Variants in ARMC9 observed in about 807,000 individuals in gnomAD.
The protein encoded by ARMC9 is armadillo repeat containing 9, also known as lisH domain-containing protein ARMC9.
ARMC9 carries 94 observed loss-of-function variants against 107.0 expected under a neutral mutation model. The ratio of observed to expected loss-of-function variants is 0.88; its 90% CI spans 0.74 to 1.04. ARMC9 has a LOEUF of 1.04. ARMC9 is among the 50% of genes least tolerant of loss of function. The probability of loss-of-function intolerance (pLI) is 0.00; values close to 1 mark genes in which losing one functional copy is unlikely to be tolerated. For missense variants in ARMC9, 942 were observed against 1,030.1 expected, an observed-to-expected ratio of 0.91 and a Z score of 1.17; for synonymous variants, 380 against 396.9, an observed-to-expected ratio of 0.96 and a Z score of 0.51.
At chr2:231,301,400 A>G (rs991888215) in intron 19 of ARMC9, among the ~76,000 whole-genome samples, 3 of 152,066 alleles carry the variant, frequency 2.0e-5, no homozygotes, top group Non-Finnish European at 4.4e-5. Flanking sequence ...ATTTTTCCAG[A>G]TTGCTCTTTT....
rs1447419675 is a variant in ARMC9 at position 231,239,960 on chromosome 2, C to T, written c.798C>T (p.Leu266=). ...VSGKMITPEY[L]QSVCVRLFSN... The stretch of plus-strand genomic sequence containing the variant: ...CCTTGCAGATCACCCCTGAGTACCT[C>T]CAGAGCGTCTGTGTCCGCCTGTTCA... The change falls in exon 9 of 25, where the codon CTC becomes CTT. Residue 266 remains leucine (L), a synonymous_variant. Transcript: ENST00000611582. The T allele has an allele frequency of 1.9e-6, 3 of 1,614,074 alleles. No individual in the cohort carries two copies. Among genetic ancestry groups the T allele is most frequent in the South Asian group, 1.1e-5 (1 of 91,038 alleles).
Position 231,296,828 on chromosome 2 carries a change from T to A in ARMC9, c.1773+575T>A, listed in dbSNP as rs182996407. ...ATGTAAAGAATGGTGACTCAGGGAC[T>A]GTAGTTGGATTTTCAGATGACAAGA... On this transcript the variant is annotated intron_variant, in intron 19 of 24. Coordinates refer to ENST00000611582, the MANE Select transcript of ARMC9 (RefSeq NM_001352754.2). Among the ~76,000 whole-genome samples the A allele has an allele frequency of 3.9e-5, 6 of 152,350 alleles. No individual in the cohort carries two copies. The East Asian group carries it at 1.2e-3, about 29-fold the overall frequency.
intron 22 of ARMC9, among the ~76,000 whole-genome samples, chr2:231,356,708 G>A (rs2045358351): frequency 6.6e-6 from 1 of 152,178 alleles, no homozygotes. Flanking sequence ...TCTTGGTGAT[G>A]AGCAGTTTCA....
At chr2:231,318,050 T>A (rs1348661735) in intron 19 of ARMC9, among the ~76,000 whole-genome samples, 1 of 151,844 alleles carries the variant, frequency 6.6e-6, no homozygotes, top group Non-Finnish European at 1.5e-5. Flanking sequence ...TCACGCTTTG[T>A]TTCTGCTGTA....
intron 1 of ARMC9, among the ~76,000 whole-genome samples, chr2:231,201,814 G>T (rs1449957555): frequency 1.3e-5 from 2 of 152,162 alleles, no homozygotes; most frequent in African/African-American, 4.8e-5. Context: ...GAGAAGAGCT[G>T]CAAAACTGTG....
rs1267841885 is a variant in ARMC9, at chr2:231,291,446, C to T, written c.1717+3C>T. Reference sequence around the variant, plus strand: ...CATCATCAAGCAGCTAAATTCCGGTCAGTTTGATGCAAGAATCTTTGATCT... The same window carrying T: ...CATCATCAAGCAGCTAAATTCCGGTTAGTTTGATGCAAGAATCTTTGATCT... On this transcript the variant is annotated splice_donor_region_variant and intron_variant, in intron 18 of 24. Transcript: ENST00000611582. 24 of 1,609,884 alleles carry T rather than the reference C, an allele frequency of 1.5e-5. No individual in the cohort carries two copies. Among genetic ancestry groups the T allele is most frequent in the African/African-American group, 4.0e-5 (3 of 74,840 alleles).
intron 10 of ARMC9, among the ~76,000 whole-genome samples, chr2:231,258,428 G>A (rs965817761): frequency 1.3e-5 from 2 of 152,006 alleles, no homozygotes; most frequent in Non-Finnish European, 1.5e-5. Context: ...TGATCCACCC[G>A]CACAGGCCTC....
intron 12 of ARMC9, chr2:231,270,653 G>A (rs750312123): frequency 7.8e-6 from 4 of 515,034 alleles, no homozygotes; most frequent in South Asian, 6.2e-5. Context: ...AGCCAAATTA[G>A]TCATGTGTCT....
rs182562893 is a variant in ARMC9, at chr2:231,308,268, C to G, written c.1773+12015C>G. Among the ~76,000 whole-genome samples, 24 of 152,320 alleles carry G rather than the reference C, an allele frequency of 1.6e-4. No individual in the cohort carries two copies. The East Asian group carries it at 4.6e-3, about 29-fold the overall frequency. On this transcript the variant is annotated intron_variant, in intron 19 of 24. Coordinates refer to ENST00000611582, the MANE Select transcript of ARMC9 (RefSeq NM_001352754.2). ...GCTTTCTCCCGTGTATTCCCCTCAC[C>G]CTTCTGCCAGGTGTGTGCTATTCTT...
intron 11 of ARMC9, among the ~76,000 whole-genome samples, chr2:231,261,223 G>C (rs1172962194): frequency 6.6e-6 from 1 of 152,144 alleles, no homozygotes; most frequent in Non-Finnish European, 1.5e-5. Flanking sequence ...TCTGTTACAT[G>C]CTTTTTCATA....
At chr2:231,332,022 G>A in intron 20 of ARMC9, 125 bp downstream of exon 20, 1 of 785,814 alleles carries the variant, frequency 1.3e-6, no homozygotes, top group Non-Finnish European at 2.1e-6. Context: ...TTATGAGAAG[G>A]TCCATGTTAG....
intron 16 of ARMC9, among the ~76,000 whole-genome samples, chr2:231,279,193 G>A (rs747450730): frequency 6.6e-6 from 1 of 152,178 alleles, no homozygotes; most frequent in African/African-American, 2.4e-5. Flanking sequence ...CTATACTAGC[G>A]TTTGCTCTCA....
intron 16 of ARMC9, among the ~76,000 whole-genome samples, chr2:231,281,462 C>T (rs990876780): frequency 1.6e-4 from 25 of 152,128 alleles, no homozygotes; most frequent in African/African-American, 3.6e-4. Context: ...TCCTGTGTGC[C>T]ACACCAAGGA....
At position 231,313,795 on chromosome 2, in the gene ARMC9, C is replaced by T. The variant is rs532495194; in HGVS notation, c.1773+17542C>T. ...TTGAGACAGGGTGTCACTCTTGTCACGCAGGCTGGAGTGCAGGGGTGCAAT... is the reference window on the plus strand; with the variant it reads ...TTGAGACAGGGTGTCACTCTTGTCATGCAGGCTGGAGTGCAGGGGTGCAAT... On this transcript the variant is annotated intron_variant, in intron 19 of 24. Transcript: ENST00000611582. 2.1e-4 allele frequency among the ~76,000 whole-genome samples: 32 copies of T among 152,020 alleles called. 1 individual carries two copies. Among genetic ancestry groups the T allele is most frequent in the Non-Finnish European group, 8.8e-5 (6 of 68,008 alleles).
Position 231,255,518 on chromosome 2 carries a change from G to C in ARMC9, c.880-1068G>C, listed in dbSNP as rs1047909963. On this transcript the variant is annotated intron_variant, in intron 9 of 24. Transcript: ENST00000611582. The surrounding 1 kb of genome is among the most constrained non-coding windows in gnomAD (Gnocchi z 4.7). ...GGGAGAACCCATCGTTTTCCATAGA[G>C]GATTTTTTTTTGTTTGGTTGTTTTT... Among the ~76,000 whole-genome samples, 10 of 152,064 alleles carry C rather than the reference G, an allele frequency of 6.6e-5. No homozygotes were observed. The highest frequency in any genetic ancestry group is 2.4e-4 in the African/African-American group (10 of 41,378).
chr2:231,219,911 G>A (rs1368759673), intron 5 of ARMC9, among the ~76,000 whole-genome samples: 1 of 152,042 alleles, frequency 6.6e-6, no homozygotes, highest in Non-Finnish European at 1.5e-5. Context: ...GCTCACTACA[G>A]CCTTGACCTC....
chr2:231,244,184 C>A (rs963077802), intron 9 of ARMC9, among the ~76,000 whole-genome samples: 1 of 152,094 alleles, frequency 6.6e-6, no homozygotes, highest in Non-Finnish European at 1.5e-5. Flanking sequence ...TGGCAGTTAA[C>A]AAGAATCTGG....
At chr2:231,359,227 C>T (rs570466855) in intron 22 of ARMC9, among the ~76,000 whole-genome samples, 3 of 152,192 alleles carry the variant, frequency 2.0e-5, no homozygotes, top group African/African-American at 7.2e-5. Context: ...GCTGGGATTA[C>T]AGGCATGTGT....
intron 19 of ARMC9, among the ~76,000 whole-genome samples, chr2:231,312,514 A>T (rs1255451062): frequency 2.6e-5 from 4 of 152,142 alleles, no homozygotes; most frequent in African/African-American, 9.7e-5. Context: ...GCGGTTAAAC[A>T]GTCTGCTACA....
Sources: allele counts gnomAD v4.1 joint callset (sites outside exome capture counted in the v4.1 genomes callset), GRCh38; gene constraint gnomAD v4.1.1; non-coding constraint Gnocchi (gnomAD v3.1); transcripts MANE v1.5; gene names NCBI Gene and HGNC (gene_info 2026-07-23, HGNC 2026-07-21).